KCNB2: variants seen among roughly 807,000 people sequenced by gnomAD.
The protein encoded by KCNB2 is delayed rectifier potassium channel protein.
Under a neutral mutation model 61.5 loss-of-function variants are expected in KCNB2, and 15 were observed. That is an observed-to-expected ratio of 0.24 (90% CI 0.16 to 0.38). KCNB2 has a LOEUF of 0.38. Ranked by LOEUF, KCNB2 falls within the 10% of genes least tolerant of loss-of-function variation. The pLI, the probability that KCNB2 is intolerant of heterozygous loss-of-function variation, is 1.00. For missense variants in KCNB2, 828 were observed against 1,125.2 expected (o/e 0.74, Z 3.78); for synonymous variants, 457 against 446.0 (o/e 1.02, Z -0.31).
intron 2 of KCNB2, among the ~76,000 whole-genome samples, chr8:72,573,882 T>C (rs1806755835): frequency 6.6e-6 from 1 of 152,034 alleles, no homozygotes; most frequent in African/African-American, 2.4e-5. Flanking sequence ...TGTTTCTGTA[T>C]TGGTGGTTTA....
At chr8:72,779,437 A>G (rs939937168) in intron 2 of KCNB2, among the ~76,000 whole-genome samples, 1 of 152,122 alleles carries the variant, frequency 6.6e-6, no homozygotes, top group African/African-American at 2.4e-5. Flanking sequence ...GCATCTTTAT[A>G]CTTCAGGCTG....
chr8:72,840,533 A>T (rs1445867376), intron 2 of KCNB2, among the ~76,000 whole-genome samples: 1 of 152,162 alleles, frequency 6.6e-6, no homozygotes, highest in East Asian at 1.9e-4. Context: ...AACAGTGTAA[A>T]AGCGTTCCTA....
At chr8:72,561,735 C>CTA (rs1806526774) in intron 1 of KCNB2, among the ~76,000 whole-genome samples, 1 of 22,126 alleles carries the variant, frequency 4.5e-5, no homozygotes, top group South Asian at 1.5e-3. Context: ...ATATCTATAT[C>CTA]TATATATATA....
intron 2 of KCNB2, among the ~76,000 whole-genome samples, chr8:72,873,883 T>C (rs1223752914): frequency 1.3e-5 from 2 of 152,252 alleles, no homozygotes; most frequent in East Asian, 3.8e-4. Flanking sequence ...CATTTACCTT[T>C]AGGTGAACAG....
chr8:72,539,628 A>G (rs753275928), intron 1 of KCNB2, among the ~76,000 whole-genome samples: 1 of 152,138 alleles, frequency 6.6e-6, no homozygotes, highest in Non-Finnish European at 1.5e-5. Context: ...TATCGACTCC[A>G]GAAAAATCAC....
At chr8:72,922,668 A>G (rs1806546622) in intron 2 of KCNB2, among the ~76,000 whole-genome samples, 1 of 152,158 alleles carries the variant, frequency 6.6e-6, no homozygotes, top group South Asian at 2.1e-4. Flanking sequence ...CACTTCCCAA[A>G]AGGCCCCACC....
rs556523717 is a variant in KCNB2, at chr8:72,744,112, T to C, written c.579+175799T>C. On this transcript the variant is annotated intron_variant, in intron 2 of 2. Transcript: ENST00000523207. Reference sequence around the variant, plus strand: ...TCTATTTTGTTGAGACGGTTGAAAGTGATTTAGGGATACTATTTGAAATCT... The same window carrying C: ...TCTATTTTGTTGAGACGGTTGAAAGCGATTTAGGGATACTATTTGAAATCT... 4.6e-5 allele frequency among the ~76,000 whole-genome samples: 7 copies of C among 152,276 alleles called. 1 individual carries two copies. The South Asian group carries it at 1.2e-3, about 27-fold the overall frequency.
At chr8:72,731,168 G>T (rs964102700) in intron 2 of KCNB2, among the ~76,000 whole-genome samples, 11 of 152,198 alleles carry the variant, frequency 7.2e-5, no homozygotes, top group Non-Finnish European at 1.6e-4. Flanking sequence ...GGAAGATGGA[G>T]AGAGTAAGAG....
chr8:72,812,325 T>C (rs1809321196), intron 2 of KCNB2, among the ~76,000 whole-genome samples: 1 of 152,162 alleles, frequency 6.6e-6, no homozygotes, highest in Admixed American at 6.5e-5. Context: ...TATTCTTTCT[T>C]ATCTAAAAAT....
At chr8:72,816,927 G>A (rs563007601) in intron 2 of KCNB2, among the ~76,000 whole-genome samples, 28 of 152,256 alleles carry the variant, frequency 1.8e-4, no homozygotes, top group Admixed American at 3.3e-4. Flanking sequence ...CTCAGAAAAC[G>A]TCCAGGTCTT....
intron 1 of KCNB2, among the ~76,000 whole-genome samples, chr8:72,561,741 A>C (rs10957606): frequency 3.7e-4 from 10 of 26,880 alleles, no homozygotes; most frequent in South Asian, 2.6e-3. Flanking sequence ...ATATCTATAT[A>C]TATATGTATA....
At chr8:72,563,691 G>C (rs1254430982) in intron 1 of KCNB2, among the ~76,000 whole-genome samples, 1 of 152,006 alleles carries the variant, frequency 6.6e-6, no homozygotes, top group African/African-American at 2.4e-5. Flanking sequence ...ATGGCAAGCA[G>C]GCAAGCAGAA....
At chr8:72,775,268 G>A (rs1054649202) in intron 2 of KCNB2, among the ~76,000 whole-genome samples, 1 of 152,136 alleles carries the variant, frequency 6.6e-6, no homozygotes, top group African/African-American at 2.4e-5. Context: ...GGTGGTGGTG[G>A]ACCCCAAAGA....
chr8:72,823,198 A>G (rs992101483), intron 2 of KCNB2, among the ~76,000 whole-genome samples: 4 of 152,118 alleles, frequency 2.6e-5, no homozygotes, highest in Non-Finnish European at 5.9e-5. Flanking sequence ...TGAATAGCGT[A>G]TGTTTGCTAA....
intron 2 of KCNB2, among the ~76,000 whole-genome samples, chr8:72,814,316 T>C (rs1809354230): frequency 6.6e-6 from 1 of 152,214 alleles, no homozygotes; most frequent in Non-Finnish European, 1.5e-5. Context: ...AGCATTCTTG[T>C]TCATGATTTT....
intron 2 of KCNB2, among the ~76,000 whole-genome samples, chr8:72,746,908 C>T (rs1428141845): frequency 6.6e-6 from 1 of 152,192 alleles, no homozygotes; most frequent in Non-Finnish European, 1.5e-5. Context: ...AATACCCCTT[C>T]TCACTATTCC....
At chr8:72,730,165 C>G (rs1385915027) in intron 2 of KCNB2, among the ~76,000 whole-genome samples, 1 of 152,112 alleles carries the variant, frequency 6.6e-6, no homozygotes, top group Non-Finnish European at 1.5e-5. Context: ...AGTAGCAAAA[C>G]TTTCATTGTC....
intron 2 of KCNB2, among the ~76,000 whole-genome samples, chr8:72,601,570 A>C (rs1276432585): frequency 6.6e-6 from 1 of 152,158 alleles, no homozygotes; most frequent in Non-Finnish European, 1.5e-5. Context: ...CCTTTATGTG[A>C]AGTTTAAATC....
chr8:72,899,828 C>T (rs1305509148), intron 2 of KCNB2, among the ~76,000 whole-genome samples: 2 of 152,180 alleles, frequency 1.3e-5, no homozygotes, highest in African/African-American at 4.8e-5. Context: ...ACACTACCAA[C>T]ATCATTTTTC....
Sources: gnomAD v4.1 joint callset for allele counts (sites outside exome capture counted in the v4.1 genomes callset) on GRCh38, gnomAD v4.1.1 for gene constraint, MANE v1.5 for transcripts, NCBI Gene and HGNC (gene_info 2026-07-23, HGNC 2026-07-21) for gene names.